The following WRN variants were observed in gnomAD, a reference collection of about 807,000 sequenced individuals.
WRN encodes WRN RecQ like helicase, also known as bifunctional 3'-5' exonuclease/ATP-dependent helicase WRN.
WRN carries 149 observed loss-of-function variants against 180.7 expected under a neutral mutation model. The observed-to-expected ratio is 0.82, with a 90% CI of 0.72 to 0.94. The LOEUF (loss-of-function observed/expected upper bound fraction) is 0.94. WRN is among the 40% of genes least tolerant of loss of function. WRN has a pLI of 0.00. For missense variants in WRN, 1,661 were observed against 1,700.1 expected (o/e 0.98, Z 0.40); for synonymous variants, 548 against 568.9 (o/e 0.96, Z 0.52).
At chr8:31,076,405 T>TAC in intron 8 of WRN, 118 bp downstream of exon 8, 4 of 816,628 alleles carry the variant, frequency 4.9e-6, no homozygotes, top group African/African-American at 1.7e-5. Context: ...TTTGCTTGAA[T>TAC]ACACACACAC....
At chr8:31,088,514 A>G (rs1246768916) in intron 12 of WRN, among the ~76,000 whole-genome samples, 3 of 152,126 alleles carry the variant, frequency 2.0e-5, no homozygotes, top group African/African-American at 7.2e-5. Flanking sequence ...GGATTTTTTT[A>G]GTGCGGGACT....
At chr8:31,121,907 T>G (rs538685222) in intron 21 of WRN, among the ~76,000 whole-genome samples, 1 of 152,104 alleles carries the variant, frequency 6.6e-6, no homozygotes, top group Admixed American at 6.6e-5. Context: ...ATAATTGGGA[T>G]AGAACACAGC....
chr8:31,173,254 C>A lies in WRN; in HGVS notation c.*152C>A, dbSNP rs377567315. 5.2e-6 allele frequency: 4 copies of A among 766,096 alleles called. No individual in the cohort carries two copies. Among genetic ancestry groups the A allele is most frequent in the Non-Finnish European group, 2.2e-6 (1 of 459,772 alleles). The allele number at this position is 766,096 out of a possible 1,614,324, so 47.5% of individuals were successfully genotyped here. On this transcript the variant is annotated 3_prime_UTR_variant, in exon 35 of 35. Coordinates refer to ENST00000298139, the MANE Select transcript of WRN (RefSeq NM_000553.6). The stretch of plus-strand genomic sequence containing the variant: ...TTGAAGAACTGGCATCTTAAATCAG[C>A]CTTCCGCAATTCATGTAGTTTCTGG...
chr8:31,057,771 C>T (rs182836686), intron 1 of WRN, among the ~76,000 whole-genome samples: 19 of 151,292 alleles, frequency 1.3e-4, no homozygotes, highest in East Asian at 7.8e-4. Flanking sequence ...GCACACACCA[C>T]GTTTGAGAGA....
intron 1 of WRN, among the ~76,000 whole-genome samples, chr8:31,035,102 A>G (rs1247087963): frequency 5.9e-5 from 9 of 152,122 alleles, no homozygotes. Context: ...TAATCCAACA[A>G]ATGTTTATTA....
At chr8:31,059,871 A>G (rs973609667) in intron 3 of WRN, among the ~76,000 whole-genome samples, 15 of 152,130 alleles carry the variant, frequency 9.9e-5, no homozygotes, top group Non-Finnish European at 1.9e-4. Flanking sequence ...CCCGGCTAAC[A>G]TGGTGAAACA....
intron 18 of WRN, among the ~76,000 whole-genome samples, chr8:31,104,658 T>C (rs886961902): frequency 1.7e-4 from 26 of 152,298 alleles, no homozygotes; most frequent in African/African-American, 6.0e-4. Flanking sequence ...CTGTGATCCA[T>C]TTTGAGTTAA....
chr8:31,091,891 A>G lies in WRN; in HGVS notation c.1891A>G (p.Ile631Val). 6.2e-7 allele frequency: 1 copy of G among 1,613,002 alleles called. No individual in the cohort carries two copies. Among genetic ancestry groups the G allele is most frequent in the Non-Finnish European group, 8.5e-7 (1 of 1,179,258 alleles). Reference sequence around the variant, plus strand: ...ACAGTCAGAAAATGTTCTAACAGATATTAAATTGTGAGTAATTTTTTTCCC... The same window carrying G: ...ACAGTCAGAAAATGTTCTAACAGATGTTAAATTGTGAGTAATTTTTTTCCC... ...SAQSENVLTD[I>V]KLGKYRIVYV... Residue 631 changes from isoleucine (I) to valine (V), a missense_variant, in exon 16 of 35, where the codon ATT becomes GTT. Physicochemically the swap from Ile to Val is conservative, Grantham distance 29 (BLOSUM62 3). Transcript: ENST00000298139.
At position 31,059,248 on chromosome 8, in the gene WRN, C is replaced by A. The variant is rs1374804871; in HGVS notation, c.192C>A (p.Phe64Leu). ...GTTACGATGCTAGTGATTGCTCTTT[C>A]CTGTCAGAAGATATTAGGTAAGTGA... Reference protein sequence around the residue: ...VYSYDASDCSFLSEDISMSLS... With the variant: ...VYSYDASDCSLLSEDISMSLS... Residue 64 changes from phenylalanine to leucine, a missense_variant, in exon 3 of 35, where the codon TTC becomes TTA. Phe to Leu is a conservative substitution (Grantham distance 22). Transcript: ENST00000298139. 6.2e-7 allele frequency: 1 copy of A among 1,613,144 alleles called. No homozygotes were observed. Among genetic ancestry groups the A allele is most frequent in the Non-Finnish European group, 8.5e-7 (1 of 1,179,440 alleles).
intron 2 of WRN, among the ~76,000 whole-genome samples, 175 bp downstream of exon 2, chr8:31,058,718 T>C (rs1025560768): frequency 6.6e-6 from 1 of 152,210 alleles, no homozygotes; most frequent in Non-Finnish European, 1.5e-5. Context: ...TTTAATTGGG[T>C]TTACAAAATG....
At chr8:31,149,458 T>TTTTG in intron 30 of WRN, among the ~76,000 whole-genome samples, 3 of 15,892 alleles carry the variant, frequency 1.9e-4, no homozygotes, top group African/African-American at 5.6e-4. Flanking sequence ...TAGAGGTGTT[T>TTTTG]TTTTTTTTTT....
intron 1 of WRN, among the ~76,000 whole-genome samples, chr8:31,056,740 A>G (rs1189143148): frequency 6.6e-6 from 1 of 152,228 alleles, no homozygotes; most frequent in Admixed American, 6.5e-5. Flanking sequence ...TGTATTATTA[A>G]TTATGTGGTT....
At chr8:31,058,666 T>C (rs1462661932) in intron 2 of WRN, 123 bp downstream of exon 2, 5 of 950,128 alleles carry the variant, frequency 5.3e-6, no homozygotes, top group Non-Finnish European at 6.6e-6. Flanking sequence ...GTTGTCTAAA[T>C]GCACCAGGAC....
chr8:31,160,498 A>G (rs1803569267), intron 33 of WRN, among the ~76,000 whole-genome samples: 1 of 152,164 alleles, frequency 6.6e-6, no homozygotes, highest in South Asian at 2.1e-4. Flanking sequence ...GTAGGATTAG[A>G]TTTATGGTTG....
intron 34 of WRN, chr8:31,171,346 A>G (rs988733644): frequency 6.6e-6 from 1 of 152,092 alleles, no homozygotes; most frequent in African/African-American, 2.4e-5. Context: ...AAAAAAAAAA[A>G]AACATTAAAA....
At chr8:31,164,604 A>G (rs1050116992) in intron 33 of WRN, among the ~76,000 whole-genome samples, 1 of 152,140 alleles carries the variant, frequency 6.6e-6, no homozygotes, top group African/African-American at 2.4e-5. Flanking sequence ...TTCCTTGTTT[A>G]TATAATTTTA....
Position 31,167,021 on chromosome 8 carries a change from G to T in WRN, c.3983-1G>T, listed in dbSNP as rs752465293. On this transcript the variant is annotated splice_acceptor_variant, in intron 33 of 34. Coordinates refer to ENST00000298139, the MANE Select transcript of WRN (RefSeq NM_000553.6). LOFTEE classifies it high-confidence loss of function. ...AAATGGAGTTTTTTTATCGTTTACA[G>T]ATATGAGTAAAATTAGCCTAATCAG... The T allele has an allele frequency of 1.9e-6, 3 of 1,611,888 alleles. No individual in the cohort carries two copies. The highest frequency in any genetic ancestry group is 2.5e-6 in the Non-Finnish European group (3 of 1,178,562).
chr8:31,081,630 T>C (rs925992014), intron 9 of WRN, among the ~76,000 whole-genome samples: 1 of 152,240 alleles, frequency 6.6e-6, no homozygotes. Flanking sequence ...TTTGCTATTT[T>C]ATAATTTCGT....
chr8:31,087,678 A>G lies in WRN; in HGVS notation c.1432-98A>G, dbSNP rs1007637484. 3.3e-5 allele frequency: 43 copies of G among 1,316,580 alleles called. No individual in the cohort carries two copies. In the East Asian group the frequency reaches 3.7e-4, roughly 11 times the overall value. The allele number at this position is 1,316,580 out of a possible 1,614,324, so 81.6% of individuals were successfully genotyped here. On this transcript the variant is annotated intron_variant, in intron 11 of 34. Transcript: ENST00000298139. ...CTTGCACATCTGCCAGCTTTCGACA[A>G]AATTGTAGGCCCTGTTAATAATAGT...
Sources: gnomAD v4.1 joint callset for allele counts (sites outside exome capture counted in the v4.1 genomes callset) on GRCh38, gnomAD v4.1.1 for gene constraint, MANE v1.5 for transcripts, NCBI Gene and HGNC (gene_info 2026-07-23, HGNC 2026-07-21) for gene names.